The following FBXL13 variants were observed in gnomAD, a reference collection of about 807,000 sequenced individuals.
The protein encoded by FBXL13 is F-box and leucine rich repeat protein 13, also known as F-box and leucine-rich repeat protein 13.
A neutral mutation model predicts 83.6 loss-of-function variants in FBXL13; 67 were observed. The observed-to-expected ratio is 0.80, with a 90% confidence interval of 0.66 to 0.98. The LOEUF is 0.98. Ranked by LOEUF, FBXL13 falls within the 50% of genes least tolerant of loss-of-function variation. The pLI is 0.00. For synonymous variants in FBXL13, 272 were observed against 299.5 expected, an observed-to-expected ratio of 0.91 and a Z score of 0.95; for missense variants, 822 against 866.5, an observed-to-expected ratio of 0.95 and a Z score of 0.64.
chr7:102,867,044 C>T lies in FBXL13; in HGVS notation c.1635+10423G>A, dbSNP rs573837787. ...GCCCAGAAATTCTAGGAAAGCTTCC[C>T]CACAGCTGAAACTTAAGAGATAAGC... On this transcript the variant is annotated intron_variant, in intron 16 of 19. Transcript: ENST00000313221. 8.5e-5 allele frequency among the ~76,000 whole-genome samples: 13 copies of T among 152,212 alleles called. No homozygotes were observed. The East Asian group carries it at 2.5e-3, about 29-fold the overall frequency.
intron 17 of FBXL13, among the ~76,000 whole-genome samples, chr7:102,843,947 A>G (rs952688932): frequency 5.3e-5 from 8 of 152,202 alleles, no homozygotes; most frequent in Non-Finnish European, 7.3e-5. Flanking sequence ...CTAAGTGATC[A>G]TCAGACAACA....
intron 2 of FBXL13, among the ~76,000 whole-genome samples, chr7:103,053,575 G>T (rs1797049969): frequency 6.6e-6 from 1 of 152,120 alleles, no homozygotes; most frequent in Admixed American, 6.5e-5. Flanking sequence ...CTAAATCAGT[G>T]GTTTTCAAAA....
At chr7:102,991,182 C>A (rs1829522747) in intron 6 of FBXL13, among the ~76,000 whole-genome samples, 1 of 152,068 alleles carries the variant, frequency 6.6e-6, no homozygotes, top group African/African-American at 2.4e-5. Context: ...AAAAAATATG[C>A]AGTAGGGGGT....
chr7:103,017,839 CCTAGTT>C (rs1377420184), intron 6 of FBXL13, among the ~76,000 whole-genome samples: 13 of 152,044 alleles, frequency 8.6e-5, no homozygotes, highest in African/African-American at 3.1e-4. Flanking sequence ...AAAGACCAAA[CCTAGTT>C]CTGATTGGTG....
intron 2 of FBXL13, among the ~76,000 whole-genome samples, chr7:103,050,336 C>T (rs1466480279): frequency 6.6e-6 from 1 of 152,186 alleles, no homozygotes; most frequent in Non-Finnish European, 1.5e-5. Context: ...TTTCCCTTTC[C>T]CTGAGCAGCC....
At chr7:102,960,005 A>G (rs1824924753) in intron 8 of FBXL13, among the ~76,000 whole-genome samples, 1 of 152,176 alleles carries the variant, frequency 6.6e-6, no homozygotes, top group Admixed American at 6.5e-5. Flanking sequence ...AATGTATTTT[A>G]GAAAAACAGA....
At chr7:102,823,992 G>A (rs1054186960) in intron 18 of FBXL13, among the ~76,000 whole-genome samples, 2 of 151,996 alleles carry the variant, frequency 1.3e-5, no homozygotes, top group East Asian at 1.9e-4. Flanking sequence ...AAGAAAGGAA[G>A]GACAACAAGG....
chr7:103,004,878 A>G (rs1370988407), intron 6 of FBXL13, among the ~76,000 whole-genome samples: 1 of 152,128 alleles, frequency 6.6e-6, no homozygotes, highest in Non-Finnish European at 1.5e-5. Flanking sequence ...GACTGGTTCT[A>G]CTCTGCCAGT....
chr7:102,915,433 T>C (rs968967415), intron 10 of FBXL13, among the ~76,000 whole-genome samples: 1 of 152,218 alleles, frequency 6.6e-6, no homozygotes, highest in Non-Finnish European at 1.5e-5. Context: ...TGGATACTTA[T>C]CTCCAAGAGT....
At chr7:103,007,839 C>A (rs751465621) in intron 6 of FBXL13, among the ~76,000 whole-genome samples, 3 of 151,998 alleles carry the variant, frequency 2.0e-5, no homozygotes, top group Admixed American at 6.6e-5. Flanking sequence ...TGGCCCAGGG[C>A]AGGTATATCA....
intron 8 of FBXL13, among the ~76,000 whole-genome samples, chr7:102,959,954 C>T (rs1170044484): frequency 1.3e-5 from 2 of 151,924 alleles, no homozygotes; most frequent in African/African-American, 2.4e-5. Flanking sequence ...AACAATATGA[C>T]TCATGTTGTA....
intron 1 of FBXL13, among the ~76,000 whole-genome samples, chr7:103,060,689 T>C (rs1308068014): frequency 2.0e-5 from 3 of 152,246 alleles, no homozygotes; most frequent in African/African-American, 7.2e-5. Context: ...TTTTAGATAC[T>C]CAGATAAACA....
At chr7:102,867,492 A>T (rs1379912239) in intron 16 of FBXL13, among the ~76,000 whole-genome samples, 3 of 151,614 alleles carry the variant, frequency 2.0e-5, no homozygotes, top group Non-Finnish European at 4.4e-5. Flanking sequence ...GAGGAGCTGT[A>T]GGAGAGTCAG....
At chr7:102,837,220 A>G (rs1009233084) in intron 17 of FBXL13, among the ~76,000 whole-genome samples, 1 of 152,162 alleles carries the variant, frequency 6.6e-6, no homozygotes, top group Admixed American at 6.5e-5. Flanking sequence ...TGGCACCACA[A>G]CTAAACTCTG....
chr7:102,944,094 T>C (rs1355643291), intron 8 of FBXL13: 2 of 821,398 alleles, frequency 2.4e-6, no homozygotes, highest in Admixed American at 2.8e-5. Flanking sequence ...AAGAAATCTC[T>C]TTATTTTCAA....
At chr7:103,045,645 C>T (rs748240773) in intron 2 of FBXL13, among the ~76,000 whole-genome samples, 3 of 152,258 alleles carry the variant, frequency 2.0e-5, no homozygotes, top group East Asian at 1.9e-4. Flanking sequence ...TATGTGTTTC[C>T]GTAAAGTCTT....
intron 16 of FBXL13, among the ~76,000 whole-genome samples, chr7:102,876,998 T>A (rs1809363005): frequency 1.3e-5 from 2 of 152,206 alleles, no homozygotes; most frequent in Admixed American, 1.3e-4. Context: ...TCAACCCTGA[T>A]GAATACAATC....
chr7:102,880,750 A>G (rs1809928062), intron 14 of FBXL13, among the ~76,000 whole-genome samples: 2 of 152,168 alleles, frequency 1.3e-5, no homozygotes. Flanking sequence ...CTCTAGCCTG[A>G]GAAGCTTTGT....
intron 9 of FBXL13, among the ~76,000 whole-genome samples, chr7:102,928,896 A>C (rs1377269520): frequency 1.3e-5 from 2 of 152,250 alleles, no homozygotes; most frequent in Non-Finnish European, 2.9e-5. Context: ...CAGAGAAAGC[A>C]GAACATTTTT....
Sources: gnomAD v4.1 joint callset for allele counts (sites outside exome capture counted in the v4.1 genomes callset) on GRCh38, gnomAD v4.1.1 for gene constraint, MANE v1.5 for transcripts, NCBI Gene and HGNC (gene_info 2026-07-23, HGNC 2026-07-21) for gene names.